The following WNT3 variants were observed in gnomAD, a reference collection of about 807,000 sequenced individuals.
The protein encoded by WNT3 is Wnt family member 3, also known as proto-oncogene Wnt-3.
Under a neutral mutation model 34.2 loss-of-function variants are expected in WNT3, and 7 were observed. That is an observed-to-expected ratio of 0.20 (90% CI 0.12 to 0.38). The LOEUF is 0.38. Ranked by LOEUF, WNT3 falls within the 10% of genes least tolerant of loss-of-function variation. The pLI is 1.00. For missense variants in WNT3, 267 were observed against 499.8 expected, an observed-to-expected ratio of 0.53 and a Z score of 4.44; for synonymous variants, 212 against 211.5, an observed-to-expected ratio of 1.00 and a Z score of -0.02.
intron 1 of WNT3, among the ~76,000 whole-genome samples, chr17:46,798,614 T>A (rs2084083855): frequency 6.6e-6 from 1 of 152,134 alleles, no homozygotes; most frequent in Non-Finnish European, 1.5e-5. Context: ...CAGCCCTGGA[T>A]CAGCCTGCAT....
At chr17:46,797,669 C>T (rs1312231979) in intron 1 of WNT3, among the ~76,000 whole-genome samples, 1 of 152,196 alleles carries the variant, frequency 6.6e-6, no homozygotes, top group African/African-American at 2.4e-5. Context: ...AACACCTTTC[C>T]CTGCTGTGCA....
intron 1 of WNT3, among the ~76,000 whole-genome samples, chr17:46,777,030 C>A (rs910344158): frequency 1.3e-5 from 2 of 152,120 alleles, no homozygotes; most frequent in African/African-American, 2.4e-5. Context: ...TAAGGGAGCA[C>A]AAAGCCCATT....
At chr17:46,774,359 C>A (rs980899333) in intron 1 of WNT3, among the ~76,000 whole-genome samples, 1 of 152,212 alleles carries the variant, frequency 6.6e-6, no homozygotes, top group African/African-American at 2.4e-5. Context: ...CACGCGCGCG[C>A]GCGCACACAC....
At chr17:46,803,944 G>A (rs577502434) in intron 1 of WNT3, among the ~76,000 whole-genome samples, 24 of 152,308 alleles carry the variant, frequency 1.6e-4, no homozygotes, top group African/African-American at 5.8e-4. Context: ...GACCCAGCAT[G>A]CCTTCTCCTT....
chr17:46,815,031 A>G (rs2084322913), intron 1 of WNT3, among the ~76,000 whole-genome samples: 1 of 152,194 alleles, frequency 6.6e-6, no homozygotes, highest in African/African-American at 2.4e-5. Flanking sequence ...AAGCAGACCC[A>G]GATGGGTGGC....
intron 2 of WNT3, among the ~76,000 whole-genome samples, chr17:46,771,936 C>T (rs990350504): frequency 6.8e-6 from 1 of 146,872 alleles, no homozygotes; most frequent in Non-Finnish European, 1.5e-5. Flanking sequence ...CCCGCCGCGC[C>T]GCCGCCGCGC....
intron 2 of WNT3, among the ~76,000 whole-genome samples, chr17:46,772,205 C>G (rs1568075835): frequency 6.6e-6 from 1 of 152,192 alleles, no homozygotes; most frequent in Non-Finnish European, 1.5e-5. Context: ...TTCCGGGATG[C>G]TCTCCTCGCC....
intron 4 of WNT3, among the ~76,000 whole-genome samples, 200 bp from the exon 5 acceptor site, chr17:46,764,821 C>G (rs779331036): frequency 2.6e-5 from 4 of 152,154 alleles, no homozygotes; most frequent in Non-Finnish European, 4.4e-5. Flanking sequence ...GTCACAGGAG[C>G]AGTAAGGCTT....
Position 46,768,318 on chromosome 17 carries a change from C to T in WNT3, c.*2G>A, listed in dbSNP as rs761877566. The stretch of plus-strand genomic sequence containing the variant: ...CTGCTTCCCGGAGCCCTACCTGGTG[C>T]CCTACTTGCAGGTGTGCACGTCGTA... On this transcript the variant is annotated 3_prime_UTR_variant, in exon 4 of 5. Transcript: ENST00000225512. This position sits in a 1 kb window ranked among gnomAD's most constrained non-coding sequence, Gnocchi z 5.0. 3 of 1,613,500 alleles carry T rather than the reference C, an allele frequency of 1.9e-6. No individual in the cohort carries two copies. The Admixed American group carries it at 5.0e-5, about 27-fold the overall frequency.
In WNT3 at chr17:46,762,566, T is replaced by C. The variant is rs1396594545; in HGVS notation, c.*2064A>G. 6.6e-6 allele frequency: 1 copy of C among 151,210 alleles called. No individual in the cohort carries two copies. The highest frequency in any genetic ancestry group is 1.5e-5 in the Non-Finnish European group (1 of 67,874). The allele number at this position is 151,210 out of a possible 1,614,324, so 9.4% of individuals were successfully genotyped here. A position where few individuals can be genotyped will look rare whatever the true frequency, so the allele number is the denominator to read the frequency against. On this transcript the variant is annotated 3_prime_UTR_variant, in exon 5 of 5. Coordinates refer to ENST00000225512, the MANE Select transcript of WNT3 (RefSeq NM_030753.5). ...CAGAAAAAAACTGCATGATGAAATA[T>C]ATTTTCTCCAAATATATATATATTT...
chr17:46,768,294 T>G lies in WNT3; in HGVS notation c.*8+18A>C. ...GCGCCCAGGCTCCCAGCCTCCCCCCTGCTTCCCGGAGCCCTACCTGGTGCC... is the reference window on the plus strand; with the variant it reads ...GCGCCCAGGCTCCCAGCCTCCCCCCGGCTTCCCGGAGCCCTACCTGGTGCC... On this transcript the variant is annotated intron_variant, in intron 4 of 4. Coordinates refer to ENST00000225512, the MANE Select transcript of WNT3 (RefSeq NM_030753.5). The surrounding 1 kb of genome is among the most constrained non-coding windows in gnomAD (Gnocchi z 5.0). 1 of 1,612,850 alleles carries G rather than the reference T, an allele frequency of 6.2e-7. No homozygotes were observed. Among genetic ancestry groups the G allele is most frequent in the Non-Finnish European group, 8.5e-7 (1 of 1,180,016 alleles).
intron 2 of WNT3, 27 bp downstream of exon 2, chr17:46,773,641 C>CCG: frequency 1.9e-6 from 1 of 519,240 alleles, no homozygotes; most frequent in Non-Finnish European, 3.1e-6. Context: ...CCCAGCCCCT[C>CCG]CCCCCCCCTC....
intron 1 of WNT3, among the ~76,000 whole-genome samples, chr17:46,810,190 T>C (rs1301587132): frequency 6.6e-6 from 1 of 151,962 alleles, no homozygotes; most frequent in Admixed American, 6.5e-5. Context: ...GTATTTTTAG[T>C]AGAGACAGGG....
chr17:46,783,060 A>G (rs2059475205), intron 1 of WNT3, among the ~76,000 whole-genome samples: 1 of 152,084 alleles, frequency 6.6e-6, no homozygotes, highest in African/African-American at 2.4e-5. Flanking sequence ...GGGCTAGTTC[A>G]TTCTCTCAAC....
At chr17:46,811,664 A>G (rs912443461) in intron 1 of WNT3, among the ~76,000 whole-genome samples, 2 of 152,112 alleles carry the variant, frequency 1.3e-5, no homozygotes, top group African/African-American at 4.8e-5. Context: ...AGAAGATTCT[A>G]GAAACTCTGG....
chr17:46,789,967 G>A (rs899008647), intron 1 of WNT3, among the ~76,000 whole-genome samples: 6 of 152,112 alleles, frequency 3.9e-5, no homozygotes, highest in East Asian at 3.8e-4. Context: ...CCCCCACGGC[G>A]CTGAGGATGG....
rs1568072683 is a variant in WNT3, at chr17:46,768,311, C to T, written c.*8+1G>A. The T allele has an allele frequency of 6.2e-7, 1 of 1,613,422 alleles. No individual in the cohort carries two copies. ...CTCCCCCCTGCTTCCCGGAGCCCTA[C>T]CTGGTGCCCTACTTGCAGGTGTGCA... On this transcript the variant is annotated splice_donor_variant, in intron 4 of 4. Coordinates refer to ENST00000225512, the MANE Select transcript of WNT3 (RefSeq NM_030753.5). LOFTEE classifies it low-confidence loss of function (3UTR_SPLICE). The surrounding 1 kb of genome is among the most constrained non-coding windows in gnomAD (Gnocchi z 5.0).
chr17:46,813,549 A>G (rs976947922), intron 1 of WNT3, among the ~76,000 whole-genome samples: 2 of 151,866 alleles, frequency 1.3e-5, no homozygotes, highest in East Asian at 1.9e-4. Context: ...CCTCCTTGGC[A>G]GCTGGAGAAG....
Position 46,768,058 on chromosome 17 carries a change from G to A in WNT3, c.*8+254C>T, listed in dbSNP as rs749587873. 1.3e-5 allele frequency among the ~76,000 whole-genome samples: 2 copies of A among 152,220 alleles called. No individual in the cohort carries two copies. The highest frequency in any genetic ancestry group is 2.9e-5 in the Non-Finnish European group (2 of 68,040). On this transcript the variant is annotated intron_variant, in intron 4 of 4. Coordinates refer to ENST00000225512, the MANE Select transcript of WNT3 (RefSeq NM_030753.5). This position sits in a 1 kb window ranked among gnomAD's most constrained non-coding sequence, Gnocchi z 5.0. ...CCACCTCGGCCTCCCAAAGTGCTGG[G>A]ATTACAGGCGTGAGCCACCGCACCC...
Sources: gnomAD v4.1 joint callset for allele counts (sites outside exome capture counted in the v4.1 genomes callset) on GRCh38, gnomAD v4.1.1 for gene constraint, Gnocchi (gnomAD v3.1) non-coding constraint, MANE v1.5 for transcripts, NCBI Gene and HGNC (gene_info 2026-07-23, HGNC 2026-07-21) for gene names.